C14orf132: variants seen among roughly 807,000 people sequenced by gnomAD.
C14orf132 encodes uncharacterized protein C14orf132.
In C14orf132, 6 loss-of-function variants were observed where a neutral mutation model predicts 5.8. The ratio of observed to expected loss-of-function variants is 1.03; its 90% CI spans 0.57 to 2.04. The LOEUF is 2.04. C14orf132 is among the 30% of genes most tolerant of loss of function. The probability of loss-of-function intolerance (pLI) is 0.00; values close to 1 mark genes in which losing one functional copy is unlikely to be tolerated. For missense variants in C14orf132, 125 were observed against 115.8 expected, an observed-to-expected ratio of 1.08 and a Z score of -0.37; for synonymous variants, 51 against 49.8, an observed-to-expected ratio of 1.02 and a Z score of -0.10.
At chr14:96,046,417 A>T (rs1184118948) in intron 1 of C14orf132, among the ~76,000 whole-genome samples, 1 of 151,394 alleles carries the variant, frequency 6.6e-6, no homozygotes, top group Non-Finnish European at 1.5e-5. Flanking sequence ...AAATACTGCC[A>T]AGCCCAGTAG....
intron 1 of C14orf132, among the ~76,000 whole-genome samples, chr14:96,069,181 A>ATG (rs1887624240): frequency 5.5e-5 from 6 of 109,012 alleles, no homozygotes; most frequent in Non-Finnish European, 1.1e-4. Flanking sequence ...ATATATATGT[A>ATG]TATATATATA....
chr14:96,044,771 G>A (rs1328828647), intron 1 of C14orf132, among the ~76,000 whole-genome samples: 3 of 152,178 alleles, frequency 2.0e-5, no homozygotes, highest in Non-Finnish European at 4.4e-5. Flanking sequence ...GCATCGTCAT[G>A]TGGCATTCTC....
intron 1 of C14orf132, among the ~76,000 whole-genome samples, chr14:96,071,486 T>A (rs192365348): frequency 6.6e-6 from 1 of 152,342 alleles, no homozygotes; most frequent in African/African-American, 2.4e-5. Context: ...CAAGCCAGTC[T>A]CTTCTCCACT....
chr14:96,077,693 G>A (rs918097062), intron 1 of C14orf132, among the ~76,000 whole-genome samples: 2 of 152,218 alleles, frequency 1.3e-5, no homozygotes, highest in African/African-American at 4.8e-5. Context: ...GAGCTAACTA[G>A]TACACTGTGT....
intron 1 of C14orf132, among the ~76,000 whole-genome samples, chr14:96,081,890 G>A (rs538892057): frequency 2.0e-5 from 3 of 152,184 alleles, no homozygotes; most frequent in Admixed American, 6.5e-5. Flanking sequence ...ATGAGTCACC[G>A]CACCCGGCCA....
rs1038156589 is a variant in C14orf132 at position 96,091,377 on chromosome 14, C to T, written c.*4642C>T. The T allele has an allele frequency of 9.0e-6, 2 of 221,412 alleles. No individual in the cohort carries two copies. Among genetic ancestry groups the T allele is most frequent in the Admixed American group, 5.3e-5 (1 of 18,832 alleles). The allele number at this position is 221,412 out of a possible 1,614,324, so 13.7% of individuals were successfully genotyped here. A position where few individuals can be genotyped will look rare whatever the true frequency, so the allele number is the denominator to read the frequency against. On this transcript the variant is annotated 3_prime_UTR_variant, in exon 2 of 2. Transcript: ENST00000555004. ...TAAGAGGCTTTAGAGAGCATCTAATCGAGACCTTTAATTTTTCGGGGAGAG... is the reference window on the plus strand; with the variant it reads ...TAAGAGGCTTTAGAGAGCATCTAATTGAGACCTTTAATTTTTCGGGGAGAG...
intron 1 of C14orf132, among the ~76,000 whole-genome samples, chr14:96,063,520 G>C (rs1005666246): frequency 6.6e-6 from 1 of 151,956 alleles, no homozygotes; most frequent in Non-Finnish European, 1.5e-5. Context: ...TGTTGGCCAG[G>C]CTGGTCTCAA....
chr14:96,057,561 C>A (rs906787516), intron 1 of C14orf132, among the ~76,000 whole-genome samples: 1 of 152,204 alleles, frequency 6.6e-6, no homozygotes, highest in African/African-American at 2.4e-5. Context: ...ATGGTTCAGG[C>A]TGAAGGAGCT....
intron 1 of C14orf132, among the ~76,000 whole-genome samples, chr14:96,045,857 G>C (rs1490385178): frequency 6.6e-6 from 1 of 152,224 alleles, no homozygotes; most frequent in Non-Finnish European, 1.5e-5. Context: ...GGAAGGGCTT[G>C]GCTAGACAGT....
rs1310539235 is a variant in C14orf132, at chr14:96,089,902, G to A, written c.*3167G>A. 3.3e-5 allele frequency: 5 copies of A among 152,266 alleles called. No homozygotes were observed. The highest frequency in any genetic ancestry group is 7.3e-5 in the Non-Finnish European group (5 of 68,100). 9.4% of individuals were successfully genotyped at this position (152,266 alleles called of 1,614,324 possible). On this transcript the variant is annotated 3_prime_UTR_variant, in exon 2 of 2. Coordinates refer to ENST00000555004, the MANE Select transcript of C14orf132 (RefSeq NM_001252507.3). ...CTGGGACCATCTTGTTCTGCAAGGT[G>A]ACCCCAGGCTCCCCAGGACAGGGGA...
chr14:96,086,751 C>T lies in C14orf132; in HGVS notation c.*16C>T, dbSNP rs1888206676. 2.6e-6 allele frequency: 4 copies of T among 1,534,392 alleles called. No individual in the cohort carries two copies. The South Asian group carries it at 4.8e-5, about 18-fold the overall frequency. On this transcript the variant is annotated 3_prime_UTR_variant, in exon 2 of 2. Transcript: ENST00000555004. ...CACCTTCTGAGGACGGCACACCCTG[C>T]ACCACCATGGGGTGAGGCTTGGCAC...
chr14:96,084,476 G>A (rs929220060), intron 1 of C14orf132, among the ~76,000 whole-genome samples: 3 of 152,198 alleles, frequency 2.0e-5, no homozygotes, highest in African/African-American at 7.2e-5. Context: ...GGAAGGGGAA[G>A]CCTCCCATTA....
chr14:96,063,043 A>C (rs1179259682), intron 1 of C14orf132, among the ~76,000 whole-genome samples: 1 of 152,126 alleles, frequency 6.6e-6, no homozygotes, highest in African/African-American at 2.4e-5. Flanking sequence ...TCACAGAAAA[A>C]AATTTTTTCA....
intron 1 of C14orf132, 42 bp from the exon 2 acceptor site, chr14:96,086,469 G>A: frequency 6.6e-7 from 1 of 1,521,340 alleles, no homozygotes; most frequent in Non-Finnish European, 8.8e-7. Context: ...ATCTGCCCAA[G>A]CCCCCATGGC....
chr14:96,082,616 G>A (rs80071734), intron 1 of C14orf132, among the ~76,000 whole-genome samples: 2,947 of 152,276 alleles, frequency 0.019, 110 homozygotes, highest in African/African-American at 0.067. Context: ...GCATACACTA[G>A]GGGGCACGGG....
In C14orf132 at chr14:96,093,272, G is replaced by A. The variant is rs1337797149; in HGVS notation, c.*6537G>A. 2.6e-5 allele frequency: 4 copies of A among 152,194 alleles called. No individual in the cohort carries two copies. Among genetic ancestry groups the A allele is most frequent in the African/African-American group, 7.2e-5 (3 of 41,434 alleles). 9.4% of individuals were successfully genotyped at this position (152,194 alleles called of 1,614,324 possible). On this transcript the variant is annotated 3_prime_UTR_variant, in exon 2 of 2. Transcript: ENST00000555004. ...AAAGCCCTACAAAGTGGATGGGAGT[G>A]TGGGGCTGAACTTTTCCCTACCCTT...
chr14:96,041,844 T>G (rs1886702055), intron 1 of C14orf132, among the ~76,000 whole-genome samples: 2 of 152,198 alleles, frequency 1.3e-5, no homozygotes, highest in Non-Finnish European at 2.9e-5. Flanking sequence ...TGGGACAAAC[T>G]TGAATAGGAC....
intron 1 of C14orf132, among the ~76,000 whole-genome samples, chr14:96,044,474 C>T (rs1886781835): frequency 6.6e-6 from 1 of 152,212 alleles, no homozygotes; most frequent in Non-Finnish European, 1.5e-5. Context: ...GCCATTGTAC[C>T]CAGCTGTGTA....
intron 1 of C14orf132, among the ~76,000 whole-genome samples, chr14:96,050,774 C>T (rs1887004125): frequency 6.6e-6 from 1 of 152,030 alleles, no homozygotes; most frequent in African/African-American, 2.4e-5. Flanking sequence ...TGCCAATTTC[C>T]CATCTCTCGA....
Sources: gnomAD v4.1 joint callset for allele counts (sites outside exome capture counted in the v4.1 genomes callset) on GRCh38, gnomAD v4.1.1 for gene constraint, MANE v1.5 for transcripts, NCBI Gene and HGNC (gene_info 2026-07-23, HGNC 2026-07-21) for gene names.